The following CWC27 variants were observed in gnomAD, a reference collection of about 807,000 sequenced individuals.
The protein encoded by CWC27 is CWC27 spliceosome associated cyclophilin.
Under a neutral mutation model 63.6 loss-of-function variants are expected in CWC27, and 47 were observed. The ratio of observed to expected loss-of-function variants is 0.74; its 90% CI spans 0.58 to 0.94. The LOEUF (loss-of-function observed/expected upper bound fraction) is 0.94. Ranked by LOEUF, CWC27 falls within the 40% of genes least tolerant of loss-of-function variation. CWC27 has a pLI of 0.00. For synonymous variants in CWC27, 175 were observed against 179.8 expected (o/e 0.97, Z 0.22); for missense variants, 495 against 554.3 (o/e 0.89, Z 1.07).
chr5:64,949,724 C>T (rs1221305279), intron 11 of CWC27, among the ~76,000 whole-genome samples: 2 of 151,970 alleles, frequency 1.3e-5, no homozygotes, highest in Non-Finnish European at 2.9e-5. Flanking sequence ...TATTTCACAC[C>T]TTGGCTTTTA....
chr5:64,929,529 A>G (rs981635391), intron 11 of CWC27, among the ~76,000 whole-genome samples: 2 of 152,206 alleles, frequency 1.3e-5, no homozygotes, highest in African/African-American at 4.8e-5. Flanking sequence ...AAGATAATGC[A>G]ATTTTTAAAT....
chr5:65,011,093 A>C (rs146879873), intron 13 of CWC27, among the ~76,000 whole-genome samples: 1,530 of 152,290 alleles, frequency 0.01, 12 homozygotes, highest in Non-Finnish European at 0.015. Context: ...GTGTGGTGGC[A>C]CATGTCTATA....
chr5:65,013,972 A>G (rs555472208), intron 13 of CWC27, among the ~76,000 whole-genome samples: 1 of 152,076 alleles, frequency 6.6e-6, no homozygotes, highest in Non-Finnish European at 1.5e-5. Context: ...ACAAATAGCT[A>G]TTGTATCTTA....
intron 5 of CWC27, among the ~76,000 whole-genome samples, chr5:64,786,164 C>CAACA (rs1305378147): frequency 1.6e-5 from 1 of 64,282 alleles, no homozygotes; most frequent in Non-Finnish European, 3.3e-5. Flanking sequence ...GACTCCATCT[C>CAACA]AAAAAAAAAA....
At chr5:64,896,180 A>G (rs1747369876) in intron 11 of CWC27, among the ~76,000 whole-genome samples, 1 of 152,370 alleles carries the variant, frequency 6.6e-6, no homozygotes, top group Admixed American at 6.5e-5. Context: ...TCTCAACAGC[A>G]ACAGGTGAGG....
chr5:64,943,571 A>G (rs1412835768), intron 11 of CWC27, among the ~76,000 whole-genome samples: 1 of 152,216 alleles, frequency 6.6e-6, no homozygotes, highest in Non-Finnish European at 1.5e-5. Flanking sequence ...TTCTACAAAT[A>G]CTTATTCAAT....
At chr5:65,008,726 CAG>C (rs1006292275) in intron 13 of CWC27, among the ~76,000 whole-genome samples, 1 of 152,172 alleles carries the variant, frequency 6.6e-6, no homozygotes, top group Non-Finnish European at 1.5e-5. Flanking sequence ...AAAACAAAAA[CAG>C]TGAATGTATA....
chr5:64,889,865 G>A (rs1055953541), intron 11 of CWC27, among the ~76,000 whole-genome samples: 1 of 152,184 alleles, frequency 6.6e-6, no homozygotes, highest in Non-Finnish European at 1.5e-5. Flanking sequence ...TAAGGTTGTT[G>A]TGGGGGGTGG....
intron 10 of CWC27, among the ~76,000 whole-genome samples, chr5:64,842,856 C>T: frequency 6.6e-6 from 1 of 152,154 alleles, no homozygotes; most frequent in East Asian, 1.9e-4. Flanking sequence ...CCACCCTCAC[C>T]CTCTCAAAGT....
rs113164834 is a variant in CWC27, at chr5:64,937,384, A to G, written c.1043-34319A>G. ...GTAGTCATTCAGGAGCAGATTGTTC[A>G]GTTTCCATGTAGTTGTGTGGTTTTG... On this transcript the variant is annotated intron_variant, in intron 11 of 13. Coordinates refer to ENST00000381070, the MANE Select transcript of CWC27 (RefSeq NM_005869.4). Among the ~76,000 whole-genome samples the G allele has an allele frequency of 8.9e-3, 1,360 of 152,280 alleles. 18 individuals carry two copies. The highest frequency in any genetic ancestry group is 0.031 in the African/African-American group (1,289 of 41,558).
intron 10 of CWC27, among the ~76,000 whole-genome samples, chr5:64,872,951 C>A (rs559093541): frequency 1.3e-5 from 2 of 152,038 alleles, no homozygotes; most frequent in South Asian, 4.1e-4. Flanking sequence ...TATTTAGCAC[C>A]AACAACATAC....
At chr5:64,824,976 C>T (rs915672084) in intron 10 of CWC27, among the ~76,000 whole-genome samples, 2 of 152,014 alleles carry the variant, frequency 1.3e-5, no homozygotes, top group Non-Finnish European at 2.9e-5. Context: ...TCATGATCCA[C>T]CCGCCTCGGC....
chr5:64,890,851 A>T (rs1747214783), intron 11 of CWC27, among the ~76,000 whole-genome samples: 2 of 152,192 alleles, frequency 1.3e-5, no homozygotes, highest in African/African-American at 4.8e-5. Context: ...TTAATAAATA[A>T]ATAAACAAGC....
intron 12 of CWC27, among the ~76,000 whole-genome samples, chr5:64,973,421 G>A (rs1279385418): frequency 6.6e-6 from 1 of 152,208 alleles, no homozygotes; most frequent in Non-Finnish European, 1.5e-5. Flanking sequence ...AGTATGCCAA[G>A]ATTGGGCTCC....
intron 11 of CWC27, among the ~76,000 whole-genome samples, chr5:64,963,104 G>A (rs1316345338): frequency 2.6e-5 from 4 of 151,882 alleles, no homozygotes; most frequent in East Asian, 1.9e-4. Flanking sequence ...ACAGGCGCCC[G>A]CCACCACCAC....
chr5:64,795,517 A>G (rs1310418741), intron 7 of CWC27, among the ~76,000 whole-genome samples: 3 of 152,046 alleles, frequency 2.0e-5, no homozygotes, highest in Non-Finnish European at 4.4e-5. Context: ...TCTGGGGAGA[A>G]TCTATTCCCT....
intron 10 of CWC27, among the ~76,000 whole-genome samples, chr5:64,866,207 A>G (rs1302603286): frequency 6.6e-6 from 1 of 152,078 alleles, no homozygotes; most frequent in African/African-American, 2.4e-5. Flanking sequence ...CTTTGCTGAT[A>G]TGATTTGAAC....
At chr5:64,900,374 A>T (rs1047207904) in intron 11 of CWC27, among the ~76,000 whole-genome samples, 3 of 152,200 alleles carry the variant, frequency 2.0e-5, no homozygotes, top group Non-Finnish European at 4.4e-5. Context: ...TGCAGTATAT[A>T]TTCAACTCTT....
Position 64,959,278 on chromosome 5 carries a change from AAGTT to A in CWC27, c.1043-12421_1043-12418del, listed in dbSNP as rs372205575. 1.3e-3 allele frequency among the ~76,000 whole-genome samples: 202 copies of A among 152,294 alleles called. 1 individual carries two copies. The highest frequency in any genetic ancestry group is 4.5e-3 in the African/African-American group (188 of 41,566). ...ACAACTTTCAAGTATCTTTAAAACA[AAGTT>A]AGTAAGGCTTTAGTCTCTGGTCACT... On this transcript the variant is annotated intron_variant, in intron 11 of 13. Transcript: ENST00000381070.
Sources: allele counts gnomAD v4.1 joint callset (sites outside exome capture counted in the v4.1 genomes callset), GRCh38; gene constraint gnomAD v4.1.1; transcripts MANE v1.5; gene names NCBI Gene and HGNC (gene_info 2026-07-23, HGNC 2026-07-21).